Variants in UBR2 observed in about 807,000 individuals in gnomAD.
The protein encoded by UBR2 is E3 ubiquitin-protein ligase UBR2.
UBR2 carries 92 observed loss-of-function variants against 247.9 expected under a neutral mutation model. That is an observed-to-expected ratio of 0.37 (90% CI 0.31 to 0.44). The LOEUF (loss-of-function observed/expected upper bound fraction) is 0.44, where lower values mean the gene tolerates loss of function less well. Among genes scored for constraint, UBR2 ranks in the 20% least tolerant of loss-of-function variants. The pLI, the probability that UBR2 is intolerant of heterozygous loss-of-function variation, is 1.00. For synonymous variants in UBR2, 672 were observed against 693.5 expected (o/e 0.97, Z 0.49); for missense variants, 1,613 against 2,112.6 (o/e 0.76, Z 4.64).
intron 26 of UBR2, 41 bp downstream of exon 26, chr6:42,655,764 A>G (rs1451997893): frequency 6.5e-6 from 8 of 1,222,356 alleles, no homozygotes; most frequent in Non-Finnish European, 9.0e-6. Context: ...CAAGATATAA[A>G]TGATTTTAAG....
chr6:42,620,478 GTTGTT>G lies in UBR2; in HGVS notation c.1281+2974_1281+2978del, dbSNP rs1371886069. The stretch of plus-strand genomic sequence containing the variant: ...CTTGTTTACTTCCTGAATATTAAGT[GTTGTT>G]TTTTTTTTTTGTTTTTGTTTTTGTT... On this transcript the variant is annotated intron_variant, in intron 11 of 46. Coordinates refer to ENST00000372901, the MANE Select transcript of UBR2 (RefSeq NM_001363705.2). The G allele has an allele frequency of 1.5e-4, 15 of 100,978 alleles. No individual in the cohort carries two copies. In the South Asian group the frequency reaches 2.2e-3, roughly 15 times the overall value. 6.3% of individuals were successfully genotyped at this position (100,978 alleles called of 1,614,324 possible). A position where few individuals can be genotyped will look rare whatever the true frequency, so the allele number is the denominator to read the frequency against.
rs1374475264 is a variant in UBR2, at chr6:42,636,184, T to G, written c.1674+638T>G. Among the ~76,000 whole-genome samples, 141 of 19,436 alleles carry G rather than the reference T, an allele frequency of 7.3e-3. 3 individuals are homozygous for G. In the East Asian group the frequency reaches 0.38, roughly 52 times the overall value. 12.8% of individuals were successfully genotyped at this position (19,436 alleles called of 152,430 possible). On this transcript the variant is annotated intron_variant, in intron 14 of 46. Coordinates refer to ENST00000372901, the MANE Select transcript of UBR2 (RefSeq NM_001363705.2). The stretch of plus-strand genomic sequence containing the variant: ...TGGCCATGGTTGTTTTTTTTTTTGT[T>G]TTTTTTTTTTTTGAGACACAGCTTA...
At chr6:42,656,155 T>G (rs1398530485) in intron 26 of UBR2, among the ~76,000 whole-genome samples, 1 of 152,204 alleles carries the variant, frequency 6.6e-6, no homozygotes, top group Non-Finnish European at 1.5e-5. Flanking sequence ...TTTGCTATAT[T>G]TGCTTTTATA....
intron 10 of UBR2, among the ~76,000 whole-genome samples, chr6:42,616,370 T>C (rs1388645533): frequency 3.3e-5 from 5 of 152,076 alleles, no homozygotes; most frequent in African/African-American, 9.7e-5. Flanking sequence ...TGAATTATGG[T>C]ATTTTTTTCT....
chr6:42,574,681 A>G (rs1336483119), intron 2 of UBR2, among the ~76,000 whole-genome samples: 1 of 141,222 alleles, frequency 7.1e-6, no homozygotes, highest in Non-Finnish European at 1.5e-5. Flanking sequence ...CCCATATATC[A>G]TTTCAGAAAT....
At chr6:42,584,791 G>A (rs368409340) in intron 2 of UBR2, among the ~76,000 whole-genome samples, 147 of 152,070 alleles carry the variant, frequency 9.7e-4, no homozygotes, top group Non-Finnish European at 1.4e-3. Flanking sequence ...TTTAGTGTCC[G>A]TTTATTTTCT....
intron 7 of UBR2, among the ~76,000 whole-genome samples, 170 bp from the exon 8 acceptor site, chr6:42,612,001 A>T (rs1467112395): frequency 6.6e-6 from 1 of 152,188 alleles, no homozygotes. Context: ...TCCTCTAGAA[A>T]ATTAGGATCT....
chr6:42,659,512 A>C lies in UBR2; in HGVS notation c.3243-144A>C. 1 of 523,320 alleles carries C rather than the reference A, an allele frequency of 1.9e-6. No homozygotes were observed. Among genetic ancestry groups the C allele is most frequent in the Non-Finnish European group, 2.9e-6 (1 of 341,736 alleles). 32.4% of individuals were successfully genotyped at this position (523,320 alleles called of 1,614,324 possible). A position where few individuals can be genotyped will look rare whatever the true frequency, so the allele number is the denominator to read the frequency against. ...AAGACTCTGTCTCAAAAAATAAATAAATATATATACACACACACACACACA... is the reference window on the plus strand; with the variant it reads ...AAGACTCTGTCTCAAAAAATAAATACATATATATACACACACACACACACA... On this transcript the variant is annotated intron_variant, in intron 29 of 46. Coordinates refer to ENST00000372901, the MANE Select transcript of UBR2 (RefSeq NM_001363705.2). This position sits in a 1 kb window ranked among gnomAD's most constrained non-coding sequence, Gnocchi z 4.3.
rs369925038 is a variant in UBR2, at chr6:42,609,918, AG to A, written c.865-2252del. On this transcript the variant is annotated intron_variant, in intron 7 of 46. Transcript: ENST00000372901. ...TACAAAAAAAAAAAAAGAAAAAAAAAGATGTTGATAGATTTGAATAGACATT... is the reference window on the plus strand; with the variant it reads ...TACAAAAAAAAAAAAAGAAAAAAAAAATGTTGATAGATTTGAATAGACATT... Among the ~76,000 whole-genome samples the A allele has an allele frequency of 9.1e-4, 138 of 151,872 alleles. 3 individuals carry two copies. In the East Asian group the frequency reaches 0.026, roughly 28 times the overall value.
rs147232836 is a variant in UBR2 at position 42,616,013 on chromosome 6, G to A, written c.1105G>A (p.Val369Ile). The change falls in exon 10 of 47, where the codon GTA (valine) becomes ATA (isoleucine). Residue 369 changes from valine to isoleucine, a missense_variant. Transcript: ENST00000372901. ...TCTTTTTCTACAAGGTGCTAGGAGT[G>A]TATATCATCAGTTGTTCATGAGCAG... is the stretch of plus-strand genomic sequence containing the variant. ...DSKLWKGARS[V>I]YHQLFMSSLL... is the part of the protein sequence containing the mutation. 1.1e-4 allele frequency: 174 copies of A among 1,602,590 alleles called. No individual in the cohort carries two copies. Among genetic ancestry groups the A allele is most frequent in the East Asian group, 6.3e-4 (28 of 44,552 alleles).
At chr6:42,640,076 A>G (rs1172126365) in intron 15 of UBR2, 133 bp from the exon 16 acceptor site, 5 of 682,148 alleles carry the variant, frequency 7.3e-6, no homozygotes, top group Non-Finnish European at 7.4e-6. Context: ...ATCATTTTCT[A>G]TCTTAATTGG....
At chr6:42,628,741 AAAT>A (rs1449770104) in intron 11 of UBR2, among the ~76,000 whole-genome samples, 1 of 151,578 alleles carries the variant, frequency 6.6e-6, no homozygotes, top group Non-Finnish European at 1.5e-5. Context: ...AAAAAAAAAA[AAAT>A]AGTGCTTATA....
rs369817607 is a variant in UBR2 at position 42,691,121 on chromosome 6, A to G, written c.5216A>G (p.His1739Arg). 2.4e-5 allele frequency: 38 copies of G among 1,614,126 alleles called. No individual in the cohort carries two copies. Among genetic ancestry groups the G allele is most frequent in the Non-Finnish European group, 2.9e-5 (34 of 1,180,060 alleles). Residue 1739 changes from histidine to arginine, a missense_variant, in exon 47 of 47, where the codon CAT becomes CGT. Coordinates refer to ENST00000372901, the MANE Select transcript of UBR2 (RefSeq NM_001363705.2). ...HQHSVTEEIGHAQEANQTLVG... is the reference protein window; with the variant it reads ...HQHSVTEEIGRAQEANQTLVG... ...CACAGTGTCACAGAGGAAATTGGAC[A>G]TGCACAGGAAGCCAATCAGACACTG...
chr6:42,683,407 A>C (rs1165648058), intron 43 of UBR2, among the ~76,000 whole-genome samples: 1 of 152,116 alleles, frequency 6.6e-6, no homozygotes, highest in East Asian at 1.9e-4. Flanking sequence ...ATTTTTTTCT[A>C]TCTTTCATTA....
intron 17 of UBR2, among the ~76,000 whole-genome samples, chr6:42,642,112 G>A (rs536710323): frequency 6.6e-6 from 1 of 151,870 alleles, no homozygotes; most frequent in Admixed American, 6.6e-5. Context: ...CATTTGGGGT[G>A]GTATAGCCAT....
chr6:42,577,627 A>G (rs1791610062), intron 2 of UBR2, among the ~76,000 whole-genome samples: 1 of 146,588 alleles, frequency 6.8e-6, no homozygotes, highest in African/African-American at 2.8e-5. Flanking sequence ...TAAGAAAAAT[A>G]AAACGAGTAG....
Position 42,615,986 on chromosome 6 carries a change from G to T in UBR2, c.1094-16G>T, listed in dbSNP as rs772955436. The T allele has an allele frequency of 2.6e-6, 4 of 1,554,244 alleles. No individual in the cohort carries two copies. Among genetic ancestry groups the T allele is most frequent in the African/African-American group, 1.4e-5 (1 of 72,154 alleles). Reference sequence around the variant, plus strand: ...TGGGCGTGTCCTTATCTTATACCGTGATCTTTTTCTACAAGGTGCTAGGAG... The same window carrying T: ...TGGGCGTGTCCTTATCTTATACCGTTATCTTTTTCTACAAGGTGCTAGGAG... On this transcript the variant is annotated splice_polypyrimidine_tract_variant and intron_variant, in intron 9 of 46. Coordinates refer to ENST00000372901, the MANE Select transcript of UBR2 (RefSeq NM_001363705.2).
At chr6:42,614,313 G>T (rs199636524) in intron 8 of UBR2, among the ~76,000 whole-genome samples, 1 of 49,706 alleles carries the variant, frequency 2.0e-5, no homozygotes, top group African/African-American at 7.3e-5. Flanking sequence ...TGCGTATATG[G>T]GTATGTATAT....
chr6:42,668,552 G>C (rs958369622), intron 34 of UBR2, among the ~76,000 whole-genome samples: 3 of 152,046 alleles, frequency 2.0e-5, no homozygotes, highest in Non-Finnish European at 4.4e-5. Flanking sequence ...CGATTCTCCT[G>C]TCTCAGCCTC....
Sources: allele counts gnomAD v4.1 joint callset (sites outside exome capture counted in the v4.1 genomes callset), GRCh38; gene constraint gnomAD v4.1.1; non-coding constraint Gnocchi (gnomAD v3.1); transcripts MANE v1.5; gene names NCBI Gene and HGNC (gene_info 2026-07-23, HGNC 2026-07-21).